Variants in KIRREL3 observed in about 807,000 individuals in gnomAD.
KIRREL3 encodes the protein kin of IRRE-like protein 3.
Under a neutral mutation model 89.7 loss-of-function variants are expected in KIRREL3, and 36 were observed. That is an observed-to-expected ratio of 0.40 (90% CI 0.31 to 0.53). The LOEUF is 0.53. KIRREL3 is among the 20% of genes least tolerant of loss of function. The pLI is 0.49. For synonymous variants in KIRREL3, 445 were observed against 441.4 expected (o/e 1.01, Z -0.10); for missense variants, 864 against 1,056.6 (o/e 0.82, Z 2.53).
chr11:126,992,609 T>C (rs1378279566), intron 1 of KIRREL3: 1 of 152,234 alleles, frequency 6.6e-6, no homozygotes, highest in Non-Finnish European at 1.5e-5. Context: ...ATTTCCAACA[T>C]CTTCTGAGTA....
At chr11:126,548,571 G>GT (rs1288123358) in intron 2 of KIRREL3, among the ~76,000 whole-genome samples, 3 of 152,206 alleles carry the variant, frequency 2.0e-5, no homozygotes, top group African/African-American at 7.2e-5. Flanking sequence ...CAGGTTTGGG[G>GT]TCCCCCCATG....
upstream of KIRREL3, chr11:127,000,793 C>T (rs575099645): frequency 2.1e-6 from 1 of 483,930 alleles, no homozygotes; most frequent in Non-Finnish European, 3.6e-6. The surrounding 1 kb of genome is among the most constrained non-coding windows in gnomAD (Gnocchi z 7.1). Flanking sequence ...CCCAGGCACA[C>T]GGCTTCCTCA....
At chr11:126,857,054 A>G (rs769936050) in intron 1 of KIRREL3, among the ~76,000 whole-genome samples, 9 of 152,354 alleles carry the variant, frequency 5.9e-5, no homozygotes, top group African/African-American at 1.9e-4. Flanking sequence ...ACGTGCACCT[A>G]TGAGGTGAGA....
At position 126,455,604 on chromosome 11, in the gene KIRREL3, C is replaced by T. The variant is rs1024899434; in HGVS notation, c.848+745G>A. 1.5e-4 allele frequency among the ~76,000 whole-genome samples: 22 copies of T among 149,444 alleles called. No homozygotes were observed. The highest frequency in any genetic ancestry group is 4.7e-4 in the African/African-American group (19 of 40,232). On this transcript the variant is annotated intron_variant, in intron 7 of 16. Coordinates refer to ENST00000525144, the MANE Select transcript of KIRREL3 (RefSeq NM_032531.4). The surrounding 1 kb of genome is among the most constrained non-coding windows in gnomAD (Gnocchi z 6.4). Reference sequence around the variant, plus strand: ...GAGATCGAGACCATCCTGGCTAACACGGTGAAACGCTGTCTCTACTAAAAA... The same window carrying T: ...GAGATCGAGACCATCCTGGCTAACATGGTGAAACGCTGTCTCTACTAAAAA...
rs1219844644 is a variant in KIRREL3 at position 126,611,517 on chromosome 11, A to C, written c.56-48605T>G. ...AACGTTTTCATGTTTCACATTTCCC[A>C]CTTCATCTCCTTTGTTTTCCACTTG... On this transcript the variant is annotated intron_variant, in intron 1 of 16. Transcript: ENST00000525144. This position sits in a 1 kb window ranked among gnomAD's most constrained non-coding sequence, Gnocchi z 4.7. Among the ~76,000 whole-genome samples the C allele has an allele frequency of 6.6e-6, 1 of 151,848 alleles. No homozygotes were observed. Among genetic ancestry groups the C allele is most frequent in the Non-Finnish European group, 1.5e-5 (1 of 67,972 alleles).
intron 5 of KIRREL3, among the ~76,000 whole-genome samples, chr11:126,465,575 C>G (rs1262157968): frequency 6.6e-6 from 1 of 152,210 alleles, no homozygotes; most frequent in Non-Finnish European, 1.5e-5. Flanking sequence ...GTCAGGAGAA[C>G]AGGGCCAGAG....
intron 1 of KIRREL3, among the ~76,000 whole-genome samples, chr11:126,930,562 T>A (rs1468973751): frequency 6.6e-6 from 1 of 152,170 alleles, no homozygotes; most frequent in Non-Finnish European, 1.5e-5. Context: ...CTTTCTTGGT[T>A]TAAATCTTCT....
At chr11:126,667,011 CTTT>C (rs1945693106) in intron 1 of KIRREL3, among the ~76,000 whole-genome samples, 1 of 152,156 alleles carries the variant, frequency 6.6e-6, no homozygotes, top group South Asian at 2.1e-4. Context: ...GAACAAGGCA[CTTT>C]AATTTGCCAA....
At chr11:126,529,306 C>G (rs772122222) in intron 2 of KIRREL3, among the ~76,000 whole-genome samples, 12 of 152,116 alleles carry the variant, frequency 7.9e-5, no homozygotes, top group Non-Finnish European at 1.6e-4. Context: ...GAAGGCAACG[C>G]TGGGAAGGGG....
chr11:126,451,117 GTGTGTGTGCA>G (rs1956105522), intron 7 of KIRREL3, among the ~76,000 whole-genome samples: 1 of 148,518 alleles, frequency 6.7e-6, no homozygotes, highest in Non-Finnish European at 1.5e-5. Flanking sequence ...GTGTGCATGT[GTGTGTGTGCA>G]TGTGCATGTG....
In KIRREL3 at chr11:126,669,177, G is replaced by GTTT. The variant is rs1389215265; in HGVS notation, c.56-106268_56-106266dup. Among the ~76,000 whole-genome samples the GTTT allele has an allele frequency of 1.3e-5, 2 of 152,114 alleles. No individual in the cohort carries two copies. Among genetic ancestry groups the GTTT allele is most frequent in the African/African-American group, 4.8e-5 (2 of 41,416 alleles). On this transcript the variant is annotated intron_variant, in intron 1 of 16. Coordinates refer to ENST00000525144, the MANE Select transcript of KIRREL3 (RefSeq NM_032531.4). The surrounding 1 kb of genome is among the most constrained non-coding windows in gnomAD (Gnocchi z 5.0). ...TCTCTGGGGTATGGGTCTTCATCTTGTTTGTTATGGCAAGAATTCCCTTTA... is the reference window on the plus strand; with the variant it reads ...TCTCTGGGGTATGGGTCTTCATCTTGTTTTTTGTTATGGCAAGAATTCCCTTTA...
chr11:126,914,211 G>A (rs748542525), intron 1 of KIRREL3, among the ~76,000 whole-genome samples: 11 of 152,336 alleles, frequency 7.2e-5, no homozygotes, highest in East Asian at 1.9e-4. Flanking sequence ...GAAAGGGCAC[G>A]TGGAGTAGGG....
chr11:127,002,477 A>G (rs1950332165), upstream of KIRREL3, among the ~76,000 whole-genome samples: 1 of 152,260 alleles, frequency 6.6e-6, no homozygotes, highest in Non-Finnish European at 1.5e-5. Flanking sequence ...CAGATCATGC[A>G]ATAAATGGAA....
intron 8 of KIRREL3, among the ~76,000 whole-genome samples, chr11:126,447,738 C>A (rs1016223915): frequency 6.6e-5 from 10 of 152,184 alleles, no homozygotes; most frequent in Non-Finnish European, 1.5e-4. Context: ...GTGCTCCTTC[C>A]AGGGAGCAGA....
Position 126,923,445 on chromosome 11 carries a change from C to CTTT in KIRREL3, c.55+77007_55+77009dup, listed in dbSNP as rs35440461. Among the ~76,000 whole-genome samples, 54 of 95,316 alleles carry CTTT rather than the reference C, an allele frequency of 5.7e-4. 1 individual carries two copies. Among genetic ancestry groups the CTTT allele is most frequent in the African/African-American group, 2.2e-3 (51 of 23,050 alleles). The allele number at this position is 95,316 out of a possible 152,430, so 62.5% of individuals were successfully genotyped here. ...TCTTCCTCTTCCTCTTCTTCTCCTTCTTTTTTTTTTTTTTTTGAGACAGAG... is the reference window on the plus strand; with the variant it reads ...TCTTCCTCTTCCTCTTCTTCTCCTTCTTTTTTTTTTTTTTTTTTTGAGACAGAG... On this transcript the variant is annotated intron_variant, in intron 1 of 16. Transcript: ENST00000525144.
At chr11:126,633,648 C>A (rs574535215) in intron 1 of KIRREL3, among the ~76,000 whole-genome samples, 128 of 152,322 alleles carry the variant, frequency 8.4e-4, no homozygotes, top group African/African-American at 2.5e-3. Flanking sequence ...AATGCTGGCA[C>A]AATGCTTCTT....
chr11:126,919,509 T>C (rs1947183629), intron 1 of KIRREL3, among the ~76,000 whole-genome samples: 1 of 152,224 alleles, frequency 6.6e-6, no homozygotes, highest in African/African-American at 2.4e-5. Context: ...AGGTCCTTGA[T>C]GTCCAGTCAC....
rs1947511042 is a variant in KIRREL3 at position 126,705,917 on chromosome 11, T to C, written c.56-143005A>G. Among the ~76,000 whole-genome samples, 1 of 152,210 alleles carries C rather than the reference T, an allele frequency of 6.6e-6. No individual in the cohort carries two copies. The highest frequency in any genetic ancestry group is 1.5e-5 in the Non-Finnish European group (1 of 68,030). On this transcript the variant is annotated intron_variant, in intron 1 of 16. Transcript: ENST00000525144. This position sits in a 1 kb window ranked among gnomAD's most constrained non-coding sequence, Gnocchi z 4.3. ...TTCTGCTTGCAGTCACTTAGAATGC[T>C]CCTTTTCAGAATCTGGCCCCTGTGC...
intron 1 of KIRREL3, among the ~76,000 whole-genome samples, chr11:126,580,686 C>T (rs368912558): frequency 2.0e-4 from 30 of 152,268 alleles, no homozygotes; most frequent in African/African-American, 6.7e-4. Context: ...TCTGTGCACC[C>T]TGGACAAGCA....
Sources: gnomAD v4.1 joint callset for allele counts (sites outside exome capture counted in the v4.1 genomes callset) on GRCh38, gnomAD v4.1.1 for gene constraint, Gnocchi (gnomAD v3.1) non-coding constraint, MANE v1.5 for transcripts, NCBI Gene and HGNC (gene_info 2026-07-23, HGNC 2026-07-21) for gene names.